Variants in ATRNL1 observed in about 807,000 individuals in gnomAD.
The protein encoded by ATRNL1 is attractin-like protein 1.
A neutral mutation model predicts 182.7 loss-of-function variants in ATRNL1; 95 were observed. That is an observed-to-expected ratio of 0.52 (90% CI 0.44 to 0.62). The LOEUF (loss-of-function observed/expected upper bound fraction) is 0.62. ATRNL1 is among the 20% of genes least tolerant of loss of function. ATRNL1 has a pLI of 0.00. For synonymous variants in ATRNL1, 576 were observed against 568.3 expected (o/e 1.01, Z -0.19); for missense variants, 1,471 against 1,679.5 (o/e 0.88, Z 2.17).
intron 19 of ATRNL1, among the ~76,000 whole-genome samples, chr10:115,356,210 A>C (rs1856498092): frequency 6.6e-6 from 1 of 152,136 alleles, no homozygotes; most frequent in Non-Finnish European, 1.5e-5. Context: ...ATTTATTACC[A>C]AATGAGGTTG....
At chr10:115,690,772 G>A (rs1337941303) in intron 26 of ATRNL1, among the ~76,000 whole-genome samples, 1 of 152,200 alleles carries the variant, frequency 6.6e-6, no homozygotes, top group Non-Finnish European at 1.5e-5. Flanking sequence ...GGTCTTGGCA[G>A]GGACAGGAAT....
chr10:115,431,937 G>A (rs757290210), intron 21 of ATRNL1, among the ~76,000 whole-genome samples: 3 of 151,780 alleles, frequency 2.0e-5, no homozygotes, highest in African/African-American at 7.3e-5. Flanking sequence ...AACACATTAT[G>A]TAATCTCTGT....
chr10:115,190,550 G>A (rs560781590), intron 8 of ATRNL1, among the ~76,000 whole-genome samples: 1 of 151,966 alleles, frequency 6.6e-6, no homozygotes, highest in East Asian at 1.9e-4. Flanking sequence ...CCTATAATTT[G>A]TACTTATAAC....
intron 27 of ATRNL1, among the ~76,000 whole-genome samples, chr10:115,839,931 T>G (rs1322987493): frequency 1.3e-5 from 2 of 152,212 alleles, no homozygotes; most frequent in African/African-American, 4.8e-5. Context: ...GATCTTGATT[T>G]TTCTAACTTT....
In ATRNL1 at chr10:115,413,383, A is replaced by T. The variant is rs189449883; in HGVS notation, c.3270-12867A>T. On this transcript the variant is annotated intron_variant, in intron 20 of 28. Coordinates refer to ENST00000355044, the MANE Select transcript of ATRNL1 (RefSeq NM_207303.4). ...TAGGACGTGACATTAATGAAAATAAAAATTTGTTTATTCTTGCCTAATCTT... is the reference window on the plus strand; with the variant it reads ...TAGGACGTGACATTAATGAAAATAATAATTTGTTTATTCTTGCCTAATCTT... 3.8e-4 allele frequency among the ~76,000 whole-genome samples: 58 copies of T among 152,258 alleles called. No homozygotes were observed. In the East Asian group the frequency reaches 0.011, roughly 28 times the overall value.
chr10:115,727,339 T>G lies in ATRNL1; in HGVS notation c.3887T>G (p.Leu1296Arg), dbSNP rs375473778. The G allele has an allele frequency of 1.1e-4, 183 of 1,613,892 alleles. No homozygotes were observed. The highest frequency in any genetic ancestry group is 1.8e-4 in the Admixed American group (11 of 59,998). The change falls in exon 27 of 29, where the codon CTG (leucine) becomes CGG (arginine). Residue 1296 changes from leucine to arginine, a missense_variant. By Grantham distance (102) the Leu-to-Arg change is moderately radical. Transcript: ENST00000355044. ...GTGGGAGCTGAACAAACAGAGTTTC[T>G]GCGAGGGCCATTAGAGGTAGGAACA... is the stretch of plus-strand genomic sequence containing the variant. Reference protein sequence around the residue: ...LEVGAEQTEFLRGPLEGAPKP... With the variant: ...LEVGAEQTEFRRGPLEGAPKP...
At chr10:115,675,907 C>G (rs74158248) in intron 26 of ATRNL1, among the ~76,000 whole-genome samples, 1,774 of 152,098 alleles carry the variant, frequency 0.012, 34 homozygotes, top group African/African-American at 0.04. Context: ...AACAGTAAGT[C>G]GAGATCGCAG....
At chr10:115,571,540 A>G (rs1555003463) in intron 26 of ATRNL1, among the ~76,000 whole-genome samples, 1 of 152,266 alleles carries the variant, frequency 6.6e-6, no homozygotes, top group Non-Finnish European at 1.5e-5. Context: ...TGTTGTAAGT[A>G]TTGAGACCTT....
intron 27 of ATRNL1, among the ~76,000 whole-genome samples, chr10:115,798,248 C>T (rs1173740091): frequency 6.6e-6 from 1 of 152,158 alleles, no homozygotes; most frequent in African/African-American, 2.4e-5. Flanking sequence ...CCACACCCCA[C>T]CTACCTTTCC....
intron 7 of ATRNL1, among the ~76,000 whole-genome samples, chr10:115,168,193 A>G (rs565382552): frequency 1.2e-4 from 19 of 152,228 alleles, no homozygotes; most frequent in African/African-American, 4.3e-4. Context: ...ATAATATTAC[A>G]TTTTATGGAA....
At chr10:115,819,445 T>A (rs1169923208) in intron 27 of ATRNL1, among the ~76,000 whole-genome samples, 2 of 152,086 alleles carry the variant, frequency 1.3e-5, no homozygotes, top group African/African-American at 4.8e-5. Flanking sequence ...ATTTAGGAAT[T>A]CAAAATATTT....
At chr10:115,773,970 T>C (rs965213022) in intron 27 of ATRNL1, among the ~76,000 whole-genome samples, 1 of 152,134 alleles carries the variant, frequency 6.6e-6, no homozygotes, top group Non-Finnish European at 1.5e-5. Context: ...GATTTGGACC[T>C]CTCCCTTAAA....
intron 10 of ATRNL1, among the ~76,000 whole-genome samples, chr10:115,264,287 A>G (rs1290062140): frequency 6.6e-6 from 1 of 151,636 alleles, no homozygotes; most frequent in Non-Finnish European, 1.5e-5. Flanking sequence ...GTAATTACTT[A>G]AATAAGAAAA....
In ATRNL1 at chr10:115,160,196, C is replaced by A; in HGVS notation, c.986C>A (p.Ser329Tyr). Reference sequence around the variant, plus strand: ...GGTGGATATACTTTTAACTACAGTTCTTTTCAAATGGTCCTAAAGTAAGTA... The same window carrying A: ...GGTGGATATACTTTTAACTACAGTTATTTTCAAATGGTCCTAAAGTAAGTA... ...VIGGYTFNYS[S>Y]FQMVLNYNLE... Residue 329 changes from serine to tyrosine, a missense_variant, in exon 6 of 29, where the codon TCT (serine) becomes TAT (tyrosine). Physicochemically the swap from Ser to Tyr is moderately radical, Grantham distance 144. Around this residue, in one of 3 missense-constraint regions of ATRNL1, gnomAD observed 1,031 missense variants for 1,156.0 expected, o/e 0.89. Transcript: ENST00000355044. The A allele has an allele frequency of 1.2e-6, 2 of 1,610,526 alleles. No individual in the cohort carries two copies. The highest frequency in any genetic ancestry group is 1.7e-6 in the Non-Finnish European group (2 of 1,177,958).
intron 9 of ATRNL1, among the ~76,000 whole-genome samples, chr10:115,221,581 G>A (rs1270783544): frequency 6.6e-6 from 1 of 152,154 alleles, no homozygotes; most frequent in Admixed American, 6.5e-5. Context: ...GAGGTACAAT[G>A]TCAAGGGATA....
intron 26 of ATRNL1, among the ~76,000 whole-genome samples, chr10:115,614,153 G>T (rs183188599): frequency 1.3e-5 from 2 of 151,844 alleles, no homozygotes; most frequent in East Asian, 3.9e-4. Flanking sequence ...TTATGATGTA[G>T]GTTTCTATGG....
At chr10:115,616,081 G>C (rs1247140222) in intron 26 of ATRNL1, among the ~76,000 whole-genome samples, 1 of 152,148 alleles carries the variant, frequency 6.6e-6, no homozygotes, top group Admixed American at 6.5e-5. Context: ...AATGATAATA[G>C]TGATATGGAC....
intron 21 of ATRNL1, among the ~76,000 whole-genome samples, chr10:115,442,303 C>CTGTGTG (rs67934464): frequency 6.9e-4 from 86 of 123,804 alleles, no homozygotes; most frequent in Middle Eastern, 4.7e-3. Context: ...CTCTCTCTCT[C>CTGTGTG]TGTGTGTATG....
intron 20 of ATRNL1, among the ~76,000 whole-genome samples, chr10:115,397,435 GT>G (rs1452746602): frequency 6.6e-6 from 1 of 151,800 alleles, no homozygotes; most frequent in Admixed American, 6.6e-5. Context: ...CTTCATATCT[GT>G]TAATTTCTTT....
Sources: allele counts gnomAD v4.1 joint callset (sites outside exome capture counted in the v4.1 genomes callset), GRCh38; gene constraint gnomAD v4.1.1; regional missense constraint gnomAD v4.1.1; transcripts MANE v1.5; gene names NCBI Gene and HGNC (gene_info 2026-07-23, HGNC 2026-07-21).